The following SPOCK3 variants were observed in gnomAD, a reference collection of about 807,000 sequenced individuals.
SPOCK3 encodes the protein testican-3.
SPOCK3 carries 30 observed loss-of-function variants against 56.6 expected under a neutral mutation model. That is an observed-to-expected ratio of 0.53 (90% CI 0.40 to 0.72). The LOEUF (loss-of-function observed/expected upper bound fraction) is 0.72. SPOCK3 is among the 30% of genes least tolerant of loss of function. The probability of loss-of-function intolerance (pLI) is 0.00; values close to 1 mark genes in which losing one functional copy is unlikely to be tolerated. For missense variants in SPOCK3, 527 were observed against 530.0 expected, an observed-to-expected ratio of 0.99 and a Z score of 0.06; for synonymous variants, 196 against 183.3, an observed-to-expected ratio of 1.07 and a Z score of -0.56.
intron 3 of SPOCK3, among the ~76,000 whole-genome samples, chr4:167,002,781 AAC>A (rs1052129373): frequency 3.9e-5 from 6 of 152,196 alleles, no homozygotes; most frequent in African/African-American, 9.6e-5. Context: ...AAAAGAAAAA[AAC>A]ACACTATAAC....
At chr4:167,042,642 A>C (rs775521753) in intron 3 of SPOCK3, among the ~76,000 whole-genome samples, 3 of 152,164 alleles carry the variant, frequency 2.0e-5, no homozygotes, top group Non-Finnish European at 4.4e-5. Context: ...ATTCATATTT[A>C]GGACAGTTTT....
chr4:166,752,078 C>A (rs1736440944), intron 8 of SPOCK3, among the ~76,000 whole-genome samples: 1 of 151,924 alleles, frequency 6.6e-6, no homozygotes, highest in South Asian at 2.1e-4. Flanking sequence ...ACTCTGTTGC[C>A]CAGGCTGGAG....
intron 4 of SPOCK3, among the ~76,000 whole-genome samples, chr4:166,930,026 T>G (rs976693867): frequency 6.6e-6 from 1 of 152,166 alleles, no homozygotes; most frequent in Non-Finnish European, 1.5e-5. Context: ...TGAACCATGA[T>G]GTAGAGTCAT....
At chr4:167,141,638 C>G (rs1311135738) in intron 2 of SPOCK3, among the ~76,000 whole-genome samples, 3 of 151,976 alleles carry the variant, frequency 2.0e-5, no homozygotes, top group African/African-American at 4.8e-5. Context: ...GTGGCAGATA[C>G]ATTTTATTAC....
Position 167,021,724 on chromosome 4 carries a change from A to T in SPOCK3, c.236-21261T>A, listed in dbSNP as rs1361318955. Reference sequence around the variant, plus strand: ...AACGACCCATATCTATACAAAAAAAAGGTCAAACGGCCACCACCAGGTGGC... The same window carrying T: ...AACGACCCATATCTATACAAAAAAATGGTCAAACGGCCACCACCAGGTGGC... On this transcript the variant is annotated intron_variant, in intron 3 of 10. Transcript: ENST00000357545. 2.6e-5 allele frequency among the ~76,000 whole-genome samples: 4 copies of T among 151,990 alleles called. No individual in the cohort carries two copies. In the South Asian group the frequency reaches 8.3e-4, roughly 31 times the overall value.
chr4:167,143,010 T>A (rs1016797481), intron 2 of SPOCK3, among the ~76,000 whole-genome samples: 1 of 151,858 alleles, frequency 6.6e-6, no homozygotes, highest in Non-Finnish European at 1.5e-5. Flanking sequence ...TTTAGAAATA[T>A]AGAGATGTGT....
chr4:167,043,360 G>A (rs79935253), intron 3 of SPOCK3, among the ~76,000 whole-genome samples: 6,461 of 151,986 alleles, frequency 0.043, 188 homozygotes, highest in African/African-American at 0.073. Flanking sequence ...AATTCCAGGA[G>A]GTTTTGTTTT....
intron 4 of SPOCK3, among the ~76,000 whole-genome samples, chr4:166,975,411 A>G (rs1036429100): frequency 1.3e-5 from 2 of 152,154 alleles, no homozygotes; most frequent in African/African-American, 4.8e-5. Flanking sequence ...ATGGGGGTAC[A>G]TGAGGTATTC....
intron 2 of SPOCK3, among the ~76,000 whole-genome samples, chr4:167,088,130 T>A (rs986168816): frequency 1.3e-5 from 2 of 152,182 alleles, no homozygotes; most frequent in South Asian, 4.1e-4. Flanking sequence ...CAAGTACTAT[T>A]CTAGATGCAT....
intron 6 of SPOCK3, among the ~76,000 whole-genome samples, chr4:166,819,494 C>A (rs963805002): frequency 1.3e-5 from 2 of 152,116 alleles, no homozygotes; most frequent in South Asian, 4.1e-4. Flanking sequence ...CATAAACATA[C>A]ATACAATTAA....
At chr4:166,746,631 G>T (rs1735650794) in intron 8 of SPOCK3, among the ~76,000 whole-genome samples, 2 of 152,082 alleles carry the variant, frequency 1.3e-5, no homozygotes, top group Admixed American at 6.6e-5. Flanking sequence ...AAATAACTAA[G>T]ATCAGAGAAG....
chr4:167,073,081 A>C (rs912270266), intron 2 of SPOCK3, among the ~76,000 whole-genome samples: 7 of 151,756 alleles, frequency 4.6e-5, no homozygotes, highest in Non-Finnish European at 1.5e-5. Context: ...TGCAATAAAT[A>C]TTAATACATT....
chr4:167,229,368 A>G (rs1191727324), intron 2 of SPOCK3, among the ~76,000 whole-genome samples: 14 of 152,158 alleles, frequency 9.2e-5, no homozygotes, highest in Admixed American at 8.5e-4. Flanking sequence ...CAAAGTACTG[A>G]GAGAGCATTC....
intron 2 of SPOCK3, among the ~76,000 whole-genome samples, chr4:167,199,862 G>T (rs555788679): frequency 1.1e-4 from 16 of 149,788 alleles, no homozygotes; most frequent in African/African-American, 3.2e-4. Context: ...TTACAAATTT[G>T]GAAAAAATAA....
At chr4:167,208,251 T>A (rs1472331715) in intron 2 of SPOCK3, among the ~76,000 whole-genome samples, 1 of 152,146 alleles carries the variant, frequency 6.6e-6, no homozygotes, top group South Asian at 2.1e-4. Context: ...ATTTATTGAA[T>A]GATAAGTAAA....
At chr4:167,199,660 T>C (rs868805307) in intron 2 of SPOCK3, among the ~76,000 whole-genome samples, 4 of 150,470 alleles carry the variant, frequency 2.7e-5, no homozygotes, top group South Asian at 4.2e-4. Context: ...TGAAAGCTGG[T>C]TTTCTGTGAA....
intron 3 of SPOCK3, among the ~76,000 whole-genome samples, chr4:167,021,857 A>G (rs1751216464): frequency 1.3e-5 from 2 of 152,022 alleles, no homozygotes; most frequent in Admixed American, 6.6e-5. Flanking sequence ...TTAATCTCTC[A>G]GTAATAGAAA....
chr4:166,964,342 G>A (rs1744472571), intron 4 of SPOCK3, among the ~76,000 whole-genome samples: 1 of 151,710 alleles, frequency 6.6e-6, no homozygotes, highest in Non-Finnish European at 1.5e-5. Flanking sequence ...AACCTATGTT[G>A]CTATGGGATT....
At chr4:166,887,195 CT>C (rs1445211855) in intron 6 of SPOCK3, among the ~76,000 whole-genome samples, 3 of 152,266 alleles carry the variant, frequency 2.0e-5, no homozygotes, top group Non-Finnish European at 2.9e-5. Flanking sequence ...CATAGAGTTC[CT>C]TTTGCAGCTT....
Sources: gnomAD v4.1 joint callset for allele counts (sites outside exome capture counted in the v4.1 genomes callset) on GRCh38, gnomAD v4.1.1 for gene constraint, MANE v1.5 for transcripts, NCBI Gene and HGNC (gene_info 2026-07-23, HGNC 2026-07-21) for gene names.